Variants in PITPNM2 observed in about 807,000 individuals in gnomAD.
PITPNM2 encodes the protein membrane-associated phosphatidylinositol transfer protein 2.
In PITPNM2, 35 loss-of-function variants were observed where a neutral mutation model predicts 132.2. That is an observed-to-expected ratio of 0.26 (90% confidence interval 0.20 to 0.35). The LOEUF is 0.35. Among genes scored for constraint, PITPNM2 ranks in the 10% least tolerant of loss-of-function variants. The pLI, the probability that PITPNM2 is intolerant of heterozygous loss-of-function variation, is 1.00. For synonymous variants in PITPNM2, 738 were observed against 799.2 expected (o/e 0.92, Z 1.29); for missense variants, 1,332 against 1,912.0 (o/e 0.70, Z 5.66).
chr12:123,019,092 T>C (rs910159781), intron 3 of PITPNM2, among the ~76,000 whole-genome samples: 1 of 152,090 alleles, frequency 6.6e-6, no homozygotes, highest in African/African-American at 2.4e-5. Flanking sequence ...CTGGTACAAG[T>C]TTCTTTTGAG....
chr12:123,145,126 T>C (rs2043587976), intron 1 of PITPNM2, among the ~76,000 whole-genome samples: 2 of 152,032 alleles, frequency 1.3e-5, no homozygotes, highest in Admixed American at 6.6e-5. Flanking sequence ...CAGTGAGCAA[T>C]GATTGCACCA....
chr12:123,049,939 G>A (rs530930344), intron 2 of PITPNM2, among the ~76,000 whole-genome samples: 10 of 152,242 alleles, frequency 6.6e-5, no homozygotes, highest in East Asian at 3.8e-4. Context: ...TAACGCTGCC[G>A]CCAAGCAGCC....
At chr12:123,046,949 T>C (rs1294641468) in intron 2 of PITPNM2, among the ~76,000 whole-genome samples, 1 of 152,224 alleles carries the variant, frequency 6.6e-6, no homozygotes, top group Non-Finnish European at 1.5e-5. Context: ...TGAACCATCA[T>C]CTTCTATACT....
In PITPNM2 at chr12:122,989,783, GT is replaced by G; in HGVS notation, c.2731+3del. On this transcript the variant is annotated splice_donor_region_variant and intron_variant, in intron 18 of 25. Transcript: ENST00000320201. The stretch of plus-strand genomic sequence containing the variant: ...CAGTGAGGGGAAAGTGTGTGGGGTG[GT>G]ACCTTCTCCAATGTCCAGCTCAGGG... 7.1e-7 allele frequency: 1 copy of G among 1,400,054 alleles called. No individual in the cohort carries two copies. Among genetic ancestry groups the G allele is most frequent in the Non-Finnish European group, 9.3e-7 (1 of 1,072,994 alleles). The allele number at this position is 1,400,054 out of a possible 1,614,324, so 86.7% of individuals were successfully genotyped here. A position where few individuals can be genotyped will look rare whatever the true frequency, so the allele number is the denominator to read the frequency against.
rs1304618447 is a variant in PITPNM2, at chr12:123,099,407, C to T, written c.-96+10978G>A. Among the ~76,000 whole-genome samples, 2 of 152,102 alleles carry T rather than the reference C, an allele frequency of 1.3e-5. No individual in the cohort carries two copies. The highest frequency in any genetic ancestry group is 1.3e-4 in the Admixed American group (2 of 15,280). ...TACTGTTCTGCCAGGGCTTGACTGG[C>T]GGGACAAGTGGGATACTCCTCTACA... On this transcript the variant is annotated intron_variant, in intron 2 of 25. Coordinates refer to ENST00000320201, the MANE Select transcript of PITPNM2 (RefSeq NM_020845.3). The surrounding 1 kb of genome is among the most constrained non-coding windows in gnomAD (Gnocchi z 4.2).
intron 3 of PITPNM2, among the ~76,000 whole-genome samples, chr12:123,033,896 T>C (rs1362947521): frequency 6.6e-6 from 1 of 152,166 alleles, no homozygotes; most frequent in African/African-American, 2.4e-5. Context: ...ATTTGAGTGA[T>C]AGATACCCTA....
In PITPNM2 at chr12:123,005,671, T is replaced by C; in HGVS notation, c.644-123A>G. 1 of 902,620 alleles carries C rather than the reference T, an allele frequency of 1.1e-6. No individual in the cohort carries two copies. Among genetic ancestry groups the C allele is most frequent in the Non-Finnish European group, 1.7e-6 (1 of 592,224 alleles). The allele number at this position is 902,620 out of a possible 1,614,324, so 55.9% of individuals were successfully genotyped here. On this transcript the variant is annotated intron_variant, in intron 6 of 25. Coordinates refer to ENST00000320201, the MANE Select transcript of PITPNM2 (RefSeq NM_020845.3). The surrounding 1 kb of genome is among the most constrained non-coding windows in gnomAD (Gnocchi z 6.2). Reference sequence around the variant, plus strand: ...GCTGTACCCATGTTGCAGGTCAAACTAAAGTCACTGCCTGTCTGTGCCTCA... The same window carrying C: ...GCTGTACCCATGTTGCAGGTCAAACCAAAGTCACTGCCTGTCTGTGCCTCA...
chr12:123,061,959 C>T (rs1478794739), intron 2 of PITPNM2, among the ~76,000 whole-genome samples: 1 of 152,142 alleles, frequency 6.6e-6, no homozygotes, highest in Non-Finnish European at 1.5e-5. Context: ...AACAAAGGGA[C>T]TCTGAGAAGC....
intron 2 of PITPNM2, among the ~76,000 whole-genome samples, chr12:123,093,614 C>T (rs2042328851): frequency 6.6e-6 from 1 of 152,204 alleles, no homozygotes. Flanking sequence ...CAACCTCCCA[C>T]TCCCCTCAAC....
rs1355302491 is a variant in PITPNM2 at position 122,983,890 on chromosome 12, CTG to C, written c.*2135_*2136del. On this transcript the variant is annotated 3_prime_UTR_variant, in exon 26 of 26. Coordinates refer to ENST00000320201, the MANE Select transcript of PITPNM2 (RefSeq NM_020845.3). ...GAGCCCTGCAGCTCAGCACCCAACT[CTG>C]TAAACATTTTTGGTATTTTTAAAGG... is the stretch of plus-strand genomic sequence containing the variant. 3 of 152,704 alleles carry C rather than the reference CTG, an allele frequency of 2.0e-5. No individual in the cohort carries two copies. Among genetic ancestry groups the C allele is most frequent in the African/African-American group, 7.2e-5 (3 of 41,464 alleles). 9.5% of individuals were successfully genotyped at this position (152,704 alleles called of 1,614,324 possible). A position where few individuals can be genotyped will look rare whatever the true frequency, so the allele number is the denominator to read the frequency against.
intron 2 of PITPNM2, among the ~76,000 whole-genome samples, chr12:123,100,498 C>T (rs991583690): frequency 2.0e-5 from 3 of 152,046 alleles, no homozygotes; most frequent in East Asian, 1.9e-4. Flanking sequence ...TGGTAGTGGA[C>T]GTCTATAATC....
At chr12:123,134,071 T>C (rs749718533) in intron 1 of PITPNM2, among the ~76,000 whole-genome samples, 2 of 152,004 alleles carry the variant, frequency 1.3e-5, no homozygotes, top group Non-Finnish European at 2.9e-5. Flanking sequence ...AGCTACTTTA[T>C]CCATTTTTTT....
At chr12:122,991,896 C>A in intron 16 of PITPNM2, 2 of 1,310,064 alleles carry the variant, frequency 1.5e-6, no homozygotes, top group Non-Finnish European at 1.9e-6. Context: ...TGCACGGTCT[C>A]GACTGGAGGC....
At chr12:123,021,873 T>C (rs1404617896) in intron 3 of PITPNM2, 2 of 222,164 alleles carry the variant, frequency 9.0e-6, no homozygotes, top group African/African-American at 4.7e-5. Flanking sequence ...GAAGCAATAG[T>C]ACTGGCTAGG....
intron 2 of PITPNM2, among the ~76,000 whole-genome samples, chr12:123,041,174 G>A (rs2040459377): frequency 6.6e-6 from 1 of 152,204 alleles, no homozygotes; most frequent in Non-Finnish European, 1.5e-5. Flanking sequence ...AACCACCCCT[G>A]CCCAGCTGGG....
At chr12:123,051,284 G>A (rs1424710354) in intron 2 of PITPNM2, among the ~76,000 whole-genome samples, 1 of 152,176 alleles carries the variant, frequency 6.6e-6, no homozygotes, top group Non-Finnish European at 1.5e-5. Flanking sequence ...CTAAGCCCAG[G>A]ACTAGAGAGA....
At position 123,111,126 on chromosome 12, in the gene PITPNM2, CAA is replaced by C. The variant is rs1231064144; in HGVS notation, c.-199-640_-199-639del. On this transcript the variant is annotated intron_variant, in intron 1 of 25. Transcript: ENST00000320201. This position sits in a 1 kb window ranked among gnomAD's most constrained non-coding sequence, Gnocchi z 4.1. ...GCAGGTCCAACAGCCTCAGAGATGA[CAA>C]AGTCTTCACAGGTACCACTGAAGCC... 6.6e-6 allele frequency among the ~76,000 whole-genome samples: 1 copy of C among 152,190 alleles called. No homozygotes were observed. The highest frequency in any genetic ancestry group is 1.5e-5 in the Non-Finnish European group (1 of 68,042).
At chr12:123,054,331 C>G (rs184361406) in intron 2 of PITPNM2, among the ~76,000 whole-genome samples, 72 of 152,320 alleles carry the variant, frequency 4.7e-4, no homozygotes, top group African/African-American at 1.7e-3. Context: ...GATTTCTTAG[C>G]CCCTAAAGGC....
At chr12:123,136,142 A>G (rs1262548410) in intron 1 of PITPNM2, among the ~76,000 whole-genome samples, 2 of 151,954 alleles carry the variant, frequency 1.3e-5, no homozygotes, top group Non-Finnish European at 2.9e-5. Context: ...CTCTACTAAA[A>G]ATACAAAAAA....
Sources: allele counts gnomAD v4.1 joint callset (sites outside exome capture counted in the v4.1 genomes callset), GRCh38; gene constraint gnomAD v4.1.1; non-coding constraint Gnocchi (gnomAD v3.1); transcripts MANE v1.5; gene names NCBI Gene and HGNC (gene_info 2026-07-23, HGNC 2026-07-21).